The following SYNJ1 variants were observed in gnomAD, a reference collection of about 807,000 sequenced individuals.
SYNJ1 encodes synaptojanin 1, also known as polyphosphatidylinositol phosphatase SYNJ1.
In SYNJ1, 78 loss-of-function variants were observed where a neutral mutation model predicts 168.2. The ratio of observed to expected loss-of-function variants is 0.46; its 90% CI spans 0.39 to 0.56. The LOEUF is 0.56. SYNJ1 is among the 20% of genes least tolerant of loss of function. SYNJ1 has a pLI of 0.00. For missense variants in SYNJ1, 1,303 were observed against 1,597.6 expected (o/e 0.82, Z 3.14); for synonymous variants, 539 against 548.6 (o/e 0.98, Z 0.24).
chr21:32,641,407 A>T (rs2039827919), intron 29 of SYNJ1, among the ~76,000 whole-genome samples: 1 of 152,214 alleles, frequency 6.6e-6, no homozygotes, highest in South Asian at 2.1e-4. Flanking sequence ...CTGTAACAAC[A>T]TCTACTCTCC....
rs1165805994 is a variant in SYNJ1 at position 32,666,589 on chromosome 21, A to G, written c.1812-16T>C. ...ATTTGTTGTGCTACAAGAAAATATT[A>G]AAAAGAGAATTTTTTAAAAAGGTAT... On this transcript the variant is annotated splice_polypyrimidine_tract_variant and intron_variant, in intron 15 of 32. Transcript: ENST00000674351. 3 of 1,598,842 alleles carry G rather than the reference A, an allele frequency of 1.9e-6. No individual in the cohort carries two copies. Among genetic ancestry groups the G allele is most frequent in the South Asian group, 1.1e-5 (1 of 87,992 alleles).
At chr21:32,645,067 T>C (rs2040001388) in intron 25 of SYNJ1, 61 bp from the exon 26 acceptor site, 1 of 1,515,776 alleles carries the variant, frequency 6.6e-7, no homozygotes, top group South Asian at 1.2e-5. Flanking sequence ...AGAAGTGAAA[T>C]GTCAAAGATT....
At chr21:32,705,953 C>T (rs2042592130) in intron 2 of SYNJ1, among the ~76,000 whole-genome samples, 1 of 152,144 alleles carries the variant, frequency 6.6e-6, no homozygotes, top group African/African-American at 2.4e-5. Flanking sequence ...TGCCACTGTA[C>T]TCCAGCCTGG....
At chr21:32,701,570 A>G (rs889422011) in intron 3 of SYNJ1, among the ~76,000 whole-genome samples, 1 of 151,600 alleles carries the variant, frequency 6.6e-6, no homozygotes, top group Non-Finnish European at 1.5e-5. Context: ...GCTCAAGCAG[A>G]CACTTTCTGA....
chr21:32,658,576 C>T (rs1601315721), intron 18 of SYNJ1: 1 of 152,308 alleles, frequency 6.6e-6, no homozygotes, highest in East Asian at 1.9e-4. Context: ...CCCCACTAAG[C>T]TGTTAACACT....
rs111629557 is a variant in SYNJ1, at chr21:32,707,584, T to G, written c.125-5537A>C. 7.2e-5 allele frequency among the ~76,000 whole-genome samples: 11 copies of G among 152,304 alleles called. 1 individual carries two copies. Among genetic ancestry groups the G allele is most frequent in the African/African-American group, 2.6e-4 (11 of 41,572 alleles). ...TCTGGCTTCAAGTGATCCTCCTGCC[T>G]TGGCCTCGCAAAGTACTGGGATTAC... On this transcript the variant is annotated intron_variant, in intron 2 of 32. Coordinates refer to ENST00000674351, the MANE Select transcript of SYNJ1 (RefSeq NM_203446.3).
rs748707134 is a variant in SYNJ1, at chr21:32,695,289, G to A, written c.480-7C>T. On this transcript the variant is annotated splice_region_variant and splice_polypyrimidine_tract_variant and intron_variant, in intron 4 of 32. Coordinates refer to ENST00000674351, the MANE Select transcript of SYNJ1 (RefSeq NM_203446.3). Reference sequence around the variant, plus strand: ...CAAATGCAAAGACTGATTCCTAATAGGAAAAGAAATAAATGATTAGCTTAT... The same window carrying A: ...CAAATGCAAAGACTGATTCCTAATAAGAAAAGAAATAAATGATTAGCTTAT... The A allele has an allele frequency of 4.4e-6, 7 of 1,607,246 alleles. No individual in the cohort carries two copies. The highest frequency in any genetic ancestry group is 1.3e-5 in the African/African-American group (1 of 74,558).
chr21:32,630,848 C>G lies in SYNJ1; in HGVS notation c.*957G>C. 1.3e-6 allele frequency: 1 copy of G among 766,812 alleles called. No homozygotes were observed. The highest frequency in any genetic ancestry group is 2.0e-6 in the Non-Finnish European group (1 of 491,964). The allele number at this position is 766,812 out of a possible 1,614,324, so 47.5% of individuals were successfully genotyped here. ...TCCTTATTTCCAATATACACATAGT[C>G]CAACTCTGTACACATCAAATAGTGG... On this transcript the variant is annotated 3_prime_UTR_variant, in exon 33 of 33. Coordinates refer to ENST00000674351, the MANE Select transcript of SYNJ1 (RefSeq NM_203446.3).
At chr21:32,712,979 G>T (rs1193746119) in intron 2 of SYNJ1, among the ~76,000 whole-genome samples, 1 of 152,162 alleles carries the variant, frequency 6.6e-6, no homozygotes, top group Non-Finnish European at 1.5e-5. Flanking sequence ...CATGTACAAG[G>T]ATGTTCATAC....
intron 13 of SYNJ1, among the ~76,000 whole-genome samples, chr21:32,675,981 ATCTGGAT>A (rs1203562029): frequency 6.6e-6 from 1 of 152,222 alleles, no homozygotes; most frequent in East Asian, 1.9e-4. Flanking sequence ...AAGTAGTTAC[ATCTGGAT>A]TTTTTTCCAT....
chr21:32,631,311 C>T lies in SYNJ1; in HGVS notation c.*494G>A, dbSNP rs2145656605. ...GTTGCTAATTTTTAATGTAGACTGG[C>T]CCTGTAGATCAAAACTGTCCTTAAA... is the stretch of plus-strand genomic sequence containing the variant. On this transcript the variant is annotated 3_prime_UTR_variant, in exon 33 of 33. Coordinates refer to ENST00000674351, the MANE Select transcript of SYNJ1 (RefSeq NM_203446.3). 1 of 1,614,178 alleles carries T rather than the reference C, an allele frequency of 6.2e-7. No homozygotes were observed. The highest frequency in any genetic ancestry group is 1.1e-5 in the South Asian group (1 of 91,076).
At chr21:32,717,297 T>C (rs938015940) in intron 2 of SYNJ1, among the ~76,000 whole-genome samples, 4 of 152,184 alleles carry the variant, frequency 2.6e-5, no homozygotes, top group African/African-American at 9.6e-5. Flanking sequence ...ACAGGTTCAT[T>C]TTTTCCTCTA....
chr21:32,665,573 C>T lies in SYNJ1; in HGVS notation c.2145+370G>A, dbSNP rs540215073. On this transcript the variant is annotated intron_variant, in intron 17 of 32. Coordinates refer to ENST00000674351, the MANE Select transcript of SYNJ1 (RefSeq NM_203446.3). ...GTCTTATCTACTTCTAACCTGGAAG[C>T]CCCCACTTCGAGTTGTCCTGCCTTA... Among the ~76,000 whole-genome samples, 117 of 152,316 alleles carry T rather than the reference C, an allele frequency of 7.7e-4. 1 individual carries two copies. The highest frequency in any genetic ancestry group is 2.6e-3 in the African/African-American group (110 of 41,570).
intron 18 of SYNJ1, among the ~76,000 whole-genome samples, chr21:32,662,959 C>T (rs774965302): frequency 3.1e-4 from 47 of 152,166 alleles, no homozygotes; most frequent in Non-Finnish European, 5.6e-4. Flanking sequence ...TATCTTAGTT[C>T]GAGGAGAAGT....
chr21:32,697,403 G>C (rs1376719236), intron 4 of SYNJ1, among the ~76,000 whole-genome samples: 1 of 151,932 alleles, frequency 6.6e-6, no homozygotes, highest in Non-Finnish European at 1.5e-5. Context: ...CACCTTTGGT[G>C]CTCTAGCTGT....
chr21:32,658,977 T>C (rs1243975355), intron 18 of SYNJ1, among the ~76,000 whole-genome samples: 1 of 152,176 alleles, frequency 6.6e-6, no homozygotes, highest in African/African-American at 2.4e-5. Flanking sequence ...TGGAAACATC[T>C]AGCCTGATAT....
intron 15 of SYNJ1, 41 bp from the exon 16 acceptor site, chr21:32,666,614 T>A: frequency 6.3e-7 from 1 of 1,586,396 alleles, no homozygotes. Context: ...TAAAAAGGTA[T>A]TGACAATAGC....
At chr21:32,698,731 C>T (rs1394588881) in intron 4 of SYNJ1, among the ~76,000 whole-genome samples, 1 of 152,156 alleles carries the variant, frequency 6.6e-6, no homozygotes, top group Admixed American at 6.5e-5. Context: ...CACTTACCTA[C>T]ATAAGTCCTA....
intron 31 of SYNJ1, 29 bp from the exon 32 acceptor site, chr21:32,634,913 A>G: frequency 1.2e-6 from 2 of 1,613,384 alleles, no homozygotes; most frequent in Non-Finnish European, 1.7e-6. Flanking sequence ...ACATCAAAGG[A>G]AAGAGTTAGG....
Sources: allele counts gnomAD v4.1 joint callset (sites outside exome capture counted in the v4.1 genomes callset), GRCh38; gene constraint gnomAD v4.1.1; transcripts MANE v1.5; gene names NCBI Gene and HGNC (gene_info 2026-07-23, HGNC 2026-07-21).